The following FBXO42 variants were observed in gnomAD, a reference collection of about 807,000 sequenced individuals.
FBXO42 encodes F-box protein 42.
Under a neutral mutation model 71.7 loss-of-function variants are expected in FBXO42, and 12 were observed. That is an observed-to-expected ratio of 0.17 (90% CI 0.11 to 0.27). The LOEUF (loss-of-function observed/expected upper bound fraction) is 0.27, where lower values mean the gene tolerates loss of function less well. FBXO42 is among the 10% of genes least tolerant of loss of function. The probability of loss-of-function intolerance (pLI) is 1.00; values close to 1 mark genes in which losing one functional copy is unlikely to be tolerated. For missense variants in FBXO42, 707 were observed against 911.9 expected, an observed-to-expected ratio of 0.78 and a Z score of 2.89; for synonymous variants, 325 against 327.5, an observed-to-expected ratio of 0.99 and a Z score of 0.08.
rs1175580665 is a variant in FBXO42 at position 16,320,589 on chromosome 1, T to C, written c.-17-5154A>G. On this transcript the variant is annotated intron_variant, in intron 1 of 9. Transcript: ENST00000375592. ...CACGATCTGAGCTCACTGCAACCTC[T>C]GCCTCCCAGGTTCAAGTGATTCTCC... Among the ~76,000 whole-genome samples, 6 of 151,902 alleles carry C rather than the reference T, an allele frequency of 3.9e-5. 1 individual carries two copies. Among genetic ancestry groups the C allele is most frequent in the African/African-American group, 7.3e-5 (3 of 41,364 alleles).
Position 16,251,379 on chromosome 1 carries a change from A to G in FBXO42, c.1445T>C (p.Leu482Ser). 2 of 1,614,112 alleles carry G rather than the reference A, an allele frequency of 1.2e-6. No individual in the cohort carries two copies. Among genetic ancestry groups the G allele is most frequent in the Non-Finnish European group, 1.7e-6 (2 of 1,179,956 alleles). Residue 482 changes from leucine (L) to serine (S), a missense_variant, in exon 10 of 10, where the codon TTG becomes TCG. Leu to Ser is a moderately radical substitution (Grantham distance 145). Transcript: ENST00000375592. This position sits in a 1 kb window ranked among gnomAD's most constrained non-coding sequence, Gnocchi z 4.5. ...EGYDLKIGLS[L>S]APRRGSLPDQ... The stretch of plus-strand genomic sequence containing the variant: ...TGGTAGTGATCCTCGTCGGGGGGCC[A>G]AAGAAAGTCCTATTTTCAGGTCGTA...
At chr1:16,329,637 T>C (rs2082479664) in intron 1 of FBXO42, among the ~76,000 whole-genome samples, 1 of 150,646 alleles carries the variant, frequency 6.6e-6, no homozygotes, top group Admixed American at 6.7e-5. Flanking sequence ...CACAAATTCA[T>C]ATTGATATAA....
At chr1:16,278,100 T>C (rs2100493072) in intron 4 of FBXO42, among the ~76,000 whole-genome samples, 1 of 152,292 alleles carries the variant, frequency 6.6e-6, no homozygotes, top group East Asian at 1.9e-4. Context: ...CTCATGCCTG[T>C]AATCCCAGCA....
chr1:16,251,886 T>C lies in FBXO42; in HGVS notation c.1039-101A>G. 7.0e-7 allele frequency: 1 copy of C among 1,419,418 alleles called. No homozygotes were observed. The highest frequency in any genetic ancestry group is 9.5e-7 in the Non-Finnish European group (1 of 1,055,052). 87.9% of individuals were successfully genotyped at this position (1,419,418 alleles called of 1,614,324 possible). On this transcript the variant is annotated intron_variant, in intron 9 of 9. Coordinates refer to ENST00000375592, the MANE Select transcript of FBXO42 (RefSeq NM_018994.3). The surrounding 1 kb of genome is among the most constrained non-coding windows in gnomAD (Gnocchi z 4.5). ...GAGCATCTGTCATGTGCCAGACATT[T>C]TGTAGGTACCTGAGATATGAAGATG... is the stretch of plus-strand genomic sequence containing the variant.
At chr1:16,311,133 G>A (rs1248806920) in intron 2 of FBXO42, among the ~76,000 whole-genome samples, 3 of 105,356 alleles carry the variant, frequency 2.8e-5, no homozygotes, top group South Asian at 4.9e-4. Context: ...AGCCGAGATC[G>A]CGCCCCTGCA....
intron 4 of FBXO42, among the ~76,000 whole-genome samples, chr1:16,260,518 T>C (rs1026743594): frequency 1.3e-5 from 2 of 152,116 alleles, no homozygotes; most frequent in African/African-American, 4.8e-5. Context: ...CCAATTACTA[T>C]GCAGCTTTTT....
chr1:16,280,308 C>A (rs932352550), intron 4 of FBXO42, among the ~76,000 whole-genome samples: 2 of 152,050 alleles, frequency 1.3e-5, no homozygotes, highest in East Asian at 1.9e-4. Context: ...TCAAGATAAT[C>A]AAAAACAAGT....
chr1:16,272,305 G>A (rs2081855750), intron 4 of FBXO42, among the ~76,000 whole-genome samples: 1 of 151,434 alleles, frequency 6.6e-6, no homozygotes, highest in Non-Finnish European at 1.5e-5. Flanking sequence ...TGTTACCCAG[G>A]CTGGAGTGCA....
chr1:16,270,674 C>CAAAAAAAAA (rs34861558), intron 4 of FBXO42, among the ~76,000 whole-genome samples: 5 of 14,906 alleles, frequency 3.4e-4, no homozygotes, highest in Non-Finnish European at 4.7e-4. Context: ...CTCTGTCTCT[C>CAAAAAAAAA]AAAAAAAAAA....
rs1249826554 is a variant in FBXO42, at chr1:16,341,080, T to C, written c.-18+11175A>G. 3.2e-4 allele frequency among the ~76,000 whole-genome samples: 49 copies of C among 152,164 alleles called. 1 individual carries two copies. Among genetic ancestry groups the C allele is most frequent in the Admixed American group, 3.1e-3 (48 of 15,270 alleles). On this transcript the variant is annotated intron_variant, in intron 1 of 9. Coordinates refer to ENST00000375592, the MANE Select transcript of FBXO42 (RefSeq NM_018994.3). ...TGAATAAGGACTACCTCTGTTCCAATATGGAATGATCTCCAAAATATACTA... is the reference window on the plus strand; with the variant it reads ...TGAATAAGGACTACCTCTGTTCCAACATGGAATGATCTCCAAAATATACTA...
intron 1 of FBXO42, among the ~76,000 whole-genome samples, chr1:16,344,805 T>A (rs1221535898): frequency 2.0e-5 from 3 of 152,214 alleles, no homozygotes; most frequent in Non-Finnish European, 2.9e-5. Flanking sequence ...TGATTTCTAA[T>A]AATATTTTCT....
intron 2 of FBXO42, among the ~76,000 whole-genome samples, chr1:16,313,566 G>A (rs2082336889): frequency 6.6e-6 from 1 of 152,188 alleles, no homozygotes; most frequent in Non-Finnish European, 1.5e-5. Flanking sequence ...CAGGCTGTGT[G>A]TGCCAGTATT....
rs535211309 is a variant in FBXO42 at position 16,281,429 on chromosome 1, T to C, written c.502+13354A>G. Reference sequence around the variant, plus strand: ...GGACAGTATGCCACTCATGACTAACTGGGTTTGTAAAAGGTGGCTATTTCT... The same window carrying C: ...GGACAGTATGCCACTCATGACTAACCGGGTTTGTAAAAGGTGGCTATTTCT... On this transcript the variant is annotated intron_variant, in intron 4 of 9. Transcript: ENST00000375592. Among the ~76,000 whole-genome samples, 11 of 152,006 alleles carry C rather than the reference T, an allele frequency of 7.2e-5. 1 individual carries two copies. The South Asian group carries it at 2.3e-3, about 32-fold the overall frequency.
intron 6 of FBXO42, among the ~76,000 whole-genome samples, chr1:16,254,960 G>A (rs2081624497): frequency 6.6e-6 from 1 of 151,568 alleles, no homozygotes; most frequent in African/African-American, 2.4e-5. Context: ...TTCTTTTCAT[G>A]CCCTTTACAT....
In FBXO42 at chr1:16,251,293, T is replaced by C; in HGVS notation, c.1531A>G (p.Ser511Gly). Reference sequence around the variant, plus strand: ...TCCATGCCATCCATGGGATTACTACTGGAAGCGGGTTTCAGATCCCAATTC... The same window carrying C: ...TCCATGCCATCCATGGGATTACTACCGGAAGCGGGTTTCAGATCCCAATTC... ...DLNWDLKPAS[S>G]SNPMDGMDNR... The change falls in exon 10 of 10, where the codon AGT (serine) becomes GGT (glycine). Residue 511 changes from serine (S) to glycine (G), a missense_variant. Physicochemically the swap from Ser to Gly is moderately conservative, Grantham distance 56. Transcript: ENST00000375592. The surrounding 1 kb of genome is among the most constrained non-coding windows in gnomAD (Gnocchi z 4.5). 6.2e-7 allele frequency: 1 copy of C among 1,614,226 alleles called. No individual in the cohort carries two copies. Among genetic ancestry groups the C allele is most frequent in the Non-Finnish European group, 8.5e-7 (1 of 1,180,030 alleles).
At chr1:16,273,629 G>A (rs899657526) in intron 4 of FBXO42, among the ~76,000 whole-genome samples, 21 of 150,854 alleles carry the variant, frequency 1.4e-4, no homozygotes, top group African/African-American at 4.4e-4. Context: ...GCCTGTAATC[G>A]TAGCACTTTG....
intron 1 of FBXO42, among the ~76,000 whole-genome samples, chr1:16,344,853 C>T (rs1473912293): frequency 2.0e-5 from 3 of 152,020 alleles, no homozygotes; most frequent in Non-Finnish European, 4.4e-5. Flanking sequence ...TATCCCAACA[C>T]TTTGGGAGGC....
chr1:16,333,438 C>CA (rs1557605491), intron 1 of FBXO42, among the ~76,000 whole-genome samples: 2 of 36,782 alleles, frequency 5.4e-5, no homozygotes, highest in Non-Finnish European at 1.8e-4. Context: ...ATAGTGAGAC[C>CA]CCCCCCCCCC....
At chr1:16,313,526 T>A (rs1440167409) in intron 2 of FBXO42, among the ~76,000 whole-genome samples, 1 of 152,166 alleles carries the variant, frequency 6.6e-6, no homozygotes, top group African/African-American at 2.4e-5. Flanking sequence ...CAATCTCTCC[T>A]GAAGAGCCCA....
Sources: allele counts gnomAD v4.1 joint callset (sites outside exome capture counted in the v4.1 genomes callset), GRCh38; gene constraint gnomAD v4.1.1; non-coding constraint Gnocchi (gnomAD v3.1); transcripts MANE v1.5; gene names NCBI Gene and HGNC (gene_info 2026-07-23, HGNC 2026-07-21).